Variants in PDE4D observed in about 807,000 individuals in gnomAD.
The protein encoded by PDE4D is phosphodiesterase 4D, also known as 3',5'-cyclic-AMP phosphodiesterase 4D.
In PDE4D, 24 loss-of-function variants were observed where a neutral mutation model predicts 87.4. That is an observed-to-expected ratio of 0.27 (90% CI 0.20 to 0.39). The LOEUF (loss-of-function observed/expected upper bound fraction) is 0.39. Ranked by LOEUF, PDE4D falls within the 10% of genes least tolerant of loss-of-function variation. The pLI is 1.00. For missense variants in PDE4D, 714 were observed against 1,041.0 expected (o/e 0.69, Z 4.32); for synonymous variants, 384 against 383.2 (o/e 1.00, Z -0.02).
chr5:60,471,935 AGGTATCCC>A (rs1459184856), intron 1 of PDE4D, among the ~76,000 whole-genome samples: 1 of 152,072 alleles, frequency 6.6e-6, no homozygotes, highest in Non-Finnish European at 1.5e-5. Flanking sequence ...ATGGCCTATT[AGGTATCCC>A]CATGTAGCGA....
intron 1 of PDE4D, among the ~76,000 whole-genome samples, chr5:59,299,093 G>T (rs1318268346): frequency 6.6e-6 from 1 of 152,084 alleles, no homozygotes; most frequent in Non-Finnish European, 1.5e-5. Context: ...CTGAATACCC[G>T]CCTCTCAAAG....
At chr5:60,476,815 G>T (rs777778241) in intron 1 of PDE4D, among the ~76,000 whole-genome samples, 4 of 152,068 alleles carry the variant, frequency 2.6e-5, no homozygotes, top group Non-Finnish European at 5.9e-5. Flanking sequence ...TTCCCTTTCT[G>T]CTCACCTTGC....
At chr5:59,295,667 T>C (rs1037160555) in intron 1 of PDE4D, among the ~76,000 whole-genome samples, 1 of 152,028 alleles carries the variant, frequency 6.6e-6, no homozygotes, top group Admixed American at 6.6e-5. Flanking sequence ...GTGTATTCTG[T>C]TTTTGTAGTT....
At chr5:60,476,879 C>T (rs954236718) in intron 1 of PDE4D, among the ~76,000 whole-genome samples, 3 of 152,184 alleles carry the variant, frequency 2.0e-5, no homozygotes, top group South Asian at 2.1e-4. Flanking sequence ...TGTATTCACA[C>T]ATTTGTTTAA....
chr5:60,018,356 G>A (rs1765725855), intron 2 of PDE4D, among the ~76,000 whole-genome samples: 1 of 152,088 alleles, frequency 6.6e-6, no homozygotes, highest in Non-Finnish European at 1.5e-5. Flanking sequence ...CTATGTAAAG[G>A]AGAAACCATT....
intron 1 of PDE4D, among the ~76,000 whole-genome samples, chr5:59,413,766 A>G (rs986111700): frequency 2.6e-5 from 4 of 152,220 alleles, no homozygotes; most frequent in Admixed American, 2.6e-4. Context: ...TGATTTGGGA[A>G]GGACTCAAAC....
At chr5:59,333,746 GT>G (rs926790228) in intron 1 of PDE4D, among the ~76,000 whole-genome samples, 1 of 152,100 alleles carries the variant, frequency 6.6e-6, no homozygotes, top group Non-Finnish European at 1.5e-5. Context: ...TCCTTGGGGA[GT>G]TTTTCTTGAT....
At chr5:59,868,726 G>A (rs905777146) in intron 1 of PDE4D, among the ~76,000 whole-genome samples, 6 of 152,108 alleles carry the variant, frequency 3.9e-5, no homozygotes, top group African/African-American at 1.2e-4. Context: ...TTCTAGGAAC[G>A]ACAGTTTACC....
intron 1 of PDE4D, among the ~76,000 whole-genome samples, chr5:59,484,939 A>T (rs145320473): frequency 3.7e-4 from 57 of 152,334 alleles, no homozygotes; most frequent in Admixed American, 1.4e-3. Context: ...ATGATGCATG[A>T]GACTCAAGCT....
chr5:59,411,942 T>C (rs1476572668), intron 1 of PDE4D, among the ~76,000 whole-genome samples: 2 of 152,256 alleles, frequency 1.3e-5, no homozygotes, highest in Non-Finnish European at 2.9e-5. Context: ...TTTTCATTAA[T>C]GGATTCGCTC....
chr5:59,443,482 A>T (rs1321390124), intron 1 of PDE4D, among the ~76,000 whole-genome samples: 1 of 152,236 alleles, frequency 6.6e-6, no homozygotes, highest in African/African-American at 2.4e-5. Context: ...TAGAAATAAA[A>T]GCATGTACTC....
chr5:59,765,325 G>A (rs1283579458), intron 1 of PDE4D, among the ~76,000 whole-genome samples: 1 of 152,152 alleles, frequency 6.6e-6, no homozygotes, highest in Non-Finnish European at 1.5e-5. Context: ...GAGGTTCAAG[G>A]ACTTGTTATT....
At chr5:59,098,810 T>C (rs1770235744) in intron 5 of PDE4D, among the ~76,000 whole-genome samples, 1 of 152,074 alleles carries the variant, frequency 6.6e-6, no homozygotes, top group Non-Finnish European at 1.5e-5. Context: ...TAGGTTCCTA[T>C]TATCTTTCTG....
At chr5:60,253,920 T>C (rs1304817084) in intron 1 of PDE4D, among the ~76,000 whole-genome samples, 2 of 151,942 alleles carry the variant, frequency 1.3e-5, no homozygotes, top group African/African-American at 4.8e-5. Context: ...CAGAACTATG[T>C]GGTGTGATAA....
rs16890262 is a variant in PDE4D, at chr5:59,836,979, T to A, written c.455+56189A>T. On this transcript the variant is annotated intron_variant, in intron 1 of 14. Coordinates refer to ENST00000340635, the MANE Select transcript of PDE4D (RefSeq NM_001104631.2). ...ACATTCTGTCTCAGAGGTTCATCTA[T>A]CATAACGTCGAGGCATCTTGGAAAA... 7.3e-3 allele frequency among the ~76,000 whole-genome samples: 1,105 copies of A among 152,094 alleles called. 10 individuals carry two copies. The highest frequency in any genetic ancestry group is 0.025 in the African/African-American group (1,056 of 41,530).
Position 60,194,513 on chromosome 5 carries a change from T to C in PDE4D, c.-89-8826A>G, listed in dbSNP as rs117853956. ...TATCAAAATTAGCTAGGGAATGCCA[T>C]AAAATGCAGATGGCTGACTCTCCAC... On this transcript the variant is annotated intron_variant, in intron 1 of 16. Transcript: ENST00000502484. Among the ~76,000 whole-genome samples the C allele has an allele frequency of 1.5e-3, 231 of 151,798 alleles. 7 individuals carry two copies. In the East Asian group the frequency reaches 0.042, roughly 28 times the overall value.
intron 2 of PDE4D, among the ~76,000 whole-genome samples, chr5:59,994,552 G>A (rs901777027): frequency 6.6e-6 from 1 of 152,098 alleles, no homozygotes; most frequent in Non-Finnish European, 1.5e-5. Flanking sequence ...GTATGGGTCT[G>A]TGTATGTGCC....
At chr5:59,827,983 A>G (rs1026286829) in intron 1 of PDE4D, among the ~76,000 whole-genome samples, 2 of 152,142 alleles carry the variant, frequency 1.3e-5, no homozygotes, top group African/African-American at 2.4e-5. Flanking sequence ...ATAATTGTTT[A>G]TAGAGATTAG....
chr5:60,333,402 G>A (rs982719016), intron 1 of PDE4D, among the ~76,000 whole-genome samples: 3 of 152,100 alleles, frequency 2.0e-5, no homozygotes, highest in Non-Finnish European at 2.9e-5. Context: ...ATATGGCTGT[G>A]GACAGAAAAT....
Sources: allele counts gnomAD v4.1 joint callset (sites outside exome capture counted in the v4.1 genomes callset), GRCh38; gene constraint gnomAD v4.1.1; transcripts MANE v1.5; gene names NCBI Gene and HGNC (gene_info 2026-07-23, HGNC 2026-07-21).